The following PLCB1 variants were observed in gnomAD, a reference collection of about 807,000 sequenced individuals.
PLCB1 encodes 1-phosphatidylinositol 4,5-bisphosphate phosphodiesterase beta-1.
A neutral mutation model predicts 161.8 loss-of-function variants in PLCB1; 46 were observed. The observed-to-expected ratio is 0.28, with a 90% CI of 0.22 to 0.36. PLCB1 has a LOEUF of 0.36. Ranked by LOEUF, PLCB1 falls within the 10% of genes least tolerant of loss-of-function variation. The pLI, the probability that PLCB1 is intolerant of heterozygous loss-of-function variation, is 1.00. For synonymous variants in PLCB1, 517 were observed against 503.7 expected (o/e 1.03, Z -0.35); for missense variants, 1,016 against 1,472.5 (o/e 0.69, Z 5.07).
At chr20:8,688,608 C>T (rs1276133202) in intron 10 of PLCB1, among the ~76,000 whole-genome samples, 2 of 152,050 alleles carry the variant, frequency 1.3e-5, no homozygotes, top group African/African-American at 2.4e-5. Context: ...GGGTGTTTTT[C>T]CCCCACTTTA....
chr20:8,337,175 G>A (rs1262845083), intron 2 of PLCB1, among the ~76,000 whole-genome samples: 1 of 152,168 alleles, frequency 6.6e-6, no homozygotes, highest in South Asian at 2.1e-4. Context: ...TTGTTTATAT[G>A]CATTAAATTA....
chr20:8,457,746 ACG>A (rs1491268274), intron 3 of PLCB1, among the ~76,000 whole-genome samples: 2 of 150,662 alleles, frequency 1.3e-5, no homozygotes, highest in African/African-American at 4.9e-5. Flanking sequence ...ACACACACAC[ACG>A]TACACACCAT....
At chr20:8,619,037 T>G (rs1988105675) in intron 3 of PLCB1, among the ~76,000 whole-genome samples, 1 of 152,224 alleles carries the variant, frequency 6.6e-6, no homozygotes, top group Non-Finnish European at 1.5e-5. Flanking sequence ...TATATTTAGC[T>G]TTATAGATAA....
intron 3 of PLCB1, among the ~76,000 whole-genome samples, chr20:8,455,599 C>T (rs6055828): frequency 0.019 from 2,869 of 151,768 alleles, 102 homozygotes; most frequent in African/African-American, 0.066. Context: ...CGCCACCACG[C>T]CCGGCTAATT....
chr20:8,363,267 C>T (rs923029114), intron 2 of PLCB1, among the ~76,000 whole-genome samples: 1 of 152,128 alleles, frequency 6.6e-6, no homozygotes, highest in African/African-American at 2.4e-5. Flanking sequence ...AGGGTCTCAC[C>T]TGCTTAGGGT....
chr20:8,330,829 C>A (rs1037420590), intron 2 of PLCB1, among the ~76,000 whole-genome samples: 1 of 152,142 alleles, frequency 6.6e-6, no homozygotes, highest in Non-Finnish European at 1.5e-5. Context: ...ACATCCTTTG[C>A]TGTGTCATAA....
intron 3 of PLCB1, among the ~76,000 whole-genome samples, chr20:8,393,350 G>C (rs990333105): frequency 6.6e-6 from 1 of 151,708 alleles, no homozygotes; most frequent in Non-Finnish European, 1.5e-5. Context: ...GTTTCTCCAA[G>C]TGAGTTCCTT....
At chr20:8,215,219 C>T (rs1200663172) in intron 2 of PLCB1, among the ~76,000 whole-genome samples, 1 of 151,946 alleles carries the variant, frequency 6.6e-6, no homozygotes, top group East Asian at 1.9e-4. Context: ...TAAATAAAAG[C>T]CAACCCATAA....
intron 23 of PLCB1, among the ~76,000 whole-genome samples, chr20:8,744,571 ATACCCTAGCC>A (rs1981051727): frequency 6.8e-6 from 1 of 147,750 alleles, no homozygotes; most frequent in Non-Finnish European, 1.5e-5. Flanking sequence ...ATGCACTACT[ATACCCTAGCC>A]TGGGCCACAG....
At chr20:8,834,226 A>G (rs1986165214) in intron 31 of PLCB1, among the ~76,000 whole-genome samples, 1 of 152,158 alleles carries the variant, frequency 6.6e-6, no homozygotes, top group Non-Finnish European at 1.5e-5. Flanking sequence ...AGGTAAAGTT[A>G]TAGCATGTTG....
chr20:8,376,495 C>T (rs1270288393), intron 3 of PLCB1, among the ~76,000 whole-genome samples: 1 of 152,132 alleles, frequency 6.6e-6, no homozygotes, highest in African/African-American at 2.4e-5. Flanking sequence ...TGACAGAAGT[C>T]ATTGAGTGAC....
intron 15 of PLCB1, 35 bp downstream of exon 15, chr20:8,722,456 C>T (rs1240232863): frequency 6.6e-7 from 1 of 1,508,138 alleles, no homozygotes; most frequent in Admixed American, 1.8e-5. Context: ...CTAAGGCATT[C>T]CACCACCCTG....
chr20:8,163,819 A>G (rs2051649468), intron 2 of PLCB1, among the ~76,000 whole-genome samples: 1 of 152,290 alleles, frequency 6.6e-6, no homozygotes, highest in South Asian at 2.1e-4. Context: ...TTTTAAGCTC[A>G]TTTAGATGTT....
intron 3 of PLCB1, among the ~76,000 whole-genome samples, chr20:8,414,746 T>C (rs1600385259): frequency 6.6e-6 from 1 of 151,990 alleles, no homozygotes; most frequent in East Asian, 1.9e-4. Flanking sequence ...ATTGGAAATG[T>C]GACTTTTGTA....
At chr20:8,328,186 G>A (rs1985229945) in intron 2 of PLCB1, among the ~76,000 whole-genome samples, 4 of 152,090 alleles carry the variant, frequency 2.6e-5, no homozygotes, top group Non-Finnish European at 5.9e-5. Context: ...GGATTTTAGA[G>A]CATATTGGAT....
chr20:8,834,900 A>G, intron 31 of PLCB1, among the ~76,000 whole-genome samples: 1 of 151,700 alleles, frequency 6.6e-6, no homozygotes, highest in South Asian at 2.1e-4. Flanking sequence ...CAGGCAGGAG[A>G]ATTCTTTCTT....
intron 2 of PLCB1, among the ~76,000 whole-genome samples, chr20:8,347,135 A>G (rs1322941475): frequency 1.3e-5 from 2 of 152,224 alleles, no homozygotes; most frequent in Non-Finnish European, 2.9e-5. Context: ...GTATAAAGCT[A>G]TAAACAGAAA....
chr20:8,496,088 C>A (rs1209148556), intron 3 of PLCB1, among the ~76,000 whole-genome samples: 2 of 152,092 alleles, frequency 1.3e-5, no homozygotes, highest in African/African-American at 2.4e-5. Context: ...TCATTCCCAG[C>A]ATATAATATG....
chr20:8,179,880 A>G (rs550563920), intron 2 of PLCB1, among the ~76,000 whole-genome samples: 1 of 55,076 alleles, frequency 1.8e-5, no homozygotes, highest in South Asian at 6.7e-4. Context: ...TTTTTTTGAG[A>G]CGGAGTCCCT....
Sources: allele counts gnomAD v4.1 joint callset (sites outside exome capture counted in the v4.1 genomes callset), GRCh38; gene constraint gnomAD v4.1.1; transcripts MANE v1.5; gene names NCBI Gene and HGNC (gene_info 2026-07-23, HGNC 2026-07-21).